ASB11: variants seen among roughly 807,000 people sequenced by gnomAD.
ASB11 encodes the protein ankyrin repeat and SOCS box containing 11, also known as ankyrin repeat and SOCS box protein 11.
In ASB11, 17 loss-of-function variants were observed where a neutral mutation model predicts 20.1. That is an observed-to-expected ratio of 0.85 (90% confidence interval 0.58 to 1.27). ASB11 has a LOEUF of 1.27. Ranked by LOEUF, ASB11 falls within the 50% of genes most tolerant of loss-of-function variation. The pLI is 0.00. For missense variants in ASB11, 259 were observed against 256.9 expected, an observed-to-expected ratio of 1.01 and a Z score of -0.06; for synonymous variants, 107 against 105.6, an observed-to-expected ratio of 1.01 and a Z score of -0.08.
intron 1 of ASB11, among the ~76,000 whole-genome samples, chrX:15,308,203 C>A (rs1238655517): frequency 8.9e-6 from 1 of 112,301 alleles, no homozygotes; most frequent in African/African-American, 3.2e-5. Flanking sequence ...CTGTGGCATG[C>A]CCTTCACACT....
intron 1 of ASB11, among the ~76,000 whole-genome samples, chrX:15,307,752 G>A (rs1275187273): frequency 3.6e-5 from 4 of 111,996 alleles, no homozygotes; most frequent in African/African-American, 1.3e-4. Context: ...AGGGCATGGT[G>A]GGGGCCATGC....
rs1489101009 is a variant in ASB11 at position 15,282,420 on chromosome X, T to C, written c.*1085A>G. On this transcript the variant is annotated 3_prime_UTR_variant, in exon 7 of 7. Coordinates refer to ENST00000480796, the MANE Select transcript of ASB11 (RefSeq NM_080873.3). ...AGACAGAAAAGGAGAAGCCTCTTTT[T>C]ATATACCTTTGTGCTTATTTTGGGC... 9.0e-6 allele frequency: 1 copy of C among 111,493 alleles called. No homozygotes were observed. The highest frequency in any genetic ancestry group is 3.3e-5 in the African/African-American group (1 of 30,688). 9.2% of individuals were successfully genotyped at this position (111,493 alleles called of 1,213,427 possible). A position where few individuals can be genotyped will look rare whatever the true frequency, so the allele number is the denominator to read the frequency against.
chrX:15,306,386 T>C (rs748791818), intron 1 of ASB11, among the ~76,000 whole-genome samples: 2 of 112,009 alleles, frequency 1.8e-5, no homozygotes, highest in East Asian at 5.6e-4. Flanking sequence ...CTTTAGTTGG[T>C]TGAAAGCTGA....
chrX:15,289,363 T>C, intron 5 of ASB11, 141 bp downstream of exon 5: 1 of 617,941 alleles, frequency 1.6e-6, no homozygotes, highest in Non-Finnish European at 2.5e-6. Context: ...CACTCATTTC[T>C]CTAGAGAAGT....
chrX:15,300,778 G>A (rs1230842123), intron 2 of ASB11, among the ~76,000 whole-genome samples: 5 of 111,371 alleles, frequency 4.5e-5, no homozygotes, highest in African/African-American at 1.3e-4. Flanking sequence ...AGGGTACAGT[G>A]TATATGGGAA....
intron 4 of ASB11, among the ~76,000 whole-genome samples, chrX:15,292,821 G>C (rs1271752938): frequency 8.9e-6 from 1 of 111,898 alleles, no homozygotes. Context: ...AGAGACATAA[G>C]CATAGTACAA....
chrX:15,299,594 T>C (rs1211560263), intron 2 of ASB11, among the ~76,000 whole-genome samples: 1 of 111,238 alleles, frequency 9.0e-6, no homozygotes, highest in Non-Finnish European at 1.9e-5. Flanking sequence ...CATCTTTTCC[T>C]GAGTTCCAAA....
At chrX:15,314,485 A>G in intron 1 of ASB11, 1 of 1,200,340 alleles carries the variant, frequency 8.3e-7, no homozygotes, top group Non-Finnish European at 1.1e-6. Flanking sequence ...TAATTGAAGC[A>G]TTCTGATGCT....
In ASB11 at chrX:15,289,600, C is replaced by A. The variant is rs767623990; in HGVS notation, c.559G>T (p.Val187Phe). 1 of 1,208,756 alleles carries A rather than the reference C, an allele frequency of 8.3e-7. No homozygotes were observed. Among genetic ancestry groups the A allele is most frequent in the African/African-American group, 1.8e-5 (1 of 57,088 alleles). ...TGAGGCACCTCATGGTCAATGTTAA[C>A]ATTATTTGCCAGCAGGATCTCCATG... ...ECMEILLANN[V>F]NIDHEVPQLG... Residue 187 changes from valine to phenylalanine, a missense_variant, in exon 5 of 7, where the codon GTT becomes TTT. Physicochemically the swap from Val to Phe is conservative, Grantham distance 50. Coordinates refer to ENST00000480796, the MANE Select transcript of ASB11 (RefSeq NM_080873.3).
chrX:15,285,138 T>C (rs1927342238), intron 6 of ASB11, among the ~76,000 whole-genome samples: 2 of 98,305 alleles, frequency 2.0e-5, no homozygotes, highest in Admixed American at 2.2e-4. Flanking sequence ...TATTTAATCT[T>C]TCTTTTTTTT....
At chrX:15,314,279 G>C in intron 1 of ASB11, 1 of 1,038,187 alleles carries the variant, frequency 9.6e-7, no homozygotes. Context: ...AATTAAATTA[G>C]AAGATAACTT....
chrX:15,288,276 A>G (rs1465987246), intron 5 of ASB11, among the ~76,000 whole-genome samples: 1 of 112,457 alleles, frequency 8.9e-6, no homozygotes, highest in African/African-American at 3.2e-5. Flanking sequence ...GAATTTAGAT[A>G]GTTTTAGTCA....
At chrX:15,286,148 A>G (rs918673714) in intron 6 of ASB11, among the ~76,000 whole-genome samples, 1 of 111,612 alleles carries the variant, frequency 9.0e-6, no homozygotes, top group African/African-American at 3.3e-5. Flanking sequence ...CTCCTGAATG[A>G]GAATCTGTAT....
chrX:15,285,877 C>T (rs759602459), intron 6 of ASB11, among the ~76,000 whole-genome samples: 2 of 110,457 alleles, frequency 1.8e-5, no homozygotes, highest in African/African-American at 3.3e-5. Flanking sequence ...TGGTGGCACG[C>T]GCCTGTAATC....
rs1453211869 is a variant in ASB11, at chrX:15,282,486, A to C, written c.*1019T>G. On this transcript the variant is annotated 3_prime_UTR_variant, in exon 7 of 7. Coordinates refer to ENST00000480796, the MANE Select transcript of ASB11 (RefSeq NM_080873.3). ...AAAATATTGACCCAGCATTGAGCCC[A>C]CTTTGGTGGCTGGCATCAGTATGTA... 9.0e-6 allele frequency: 1 copy of C among 111,338 alleles called. No homozygotes were observed. The highest frequency in any genetic ancestry group is 1.9e-5 in the Non-Finnish European group (1 of 53,105). The allele number at this position is 111,338 out of a possible 1,213,427, so 9.2% of individuals were successfully genotyped here.
chrX:15,289,685 T>C (rs1927482197), intron 4 of ASB11, 47 bp from the exon 5 acceptor site: 1 of 1,168,839 alleles, frequency 8.6e-7, no homozygotes, highest in African/African-American at 1.8e-5. Flanking sequence ...ACATATTAAA[T>C]ATTAACAGAA....
intron 1 of ASB11, among the ~76,000 whole-genome samples, chrX:15,303,801 A>G (rs1331715992): frequency 1.8e-5 from 2 of 112,223 alleles, no homozygotes; most frequent in Non-Finnish European, 3.8e-5. Context: ...ATCAAATACA[A>G]CCGCGATGTT....
intron 4 of ASB11, among the ~76,000 whole-genome samples, chrX:15,290,428 C>A (rs1156866344): frequency 8.9e-6 from 1 of 112,215 alleles, no homozygotes; most frequent in East Asian, 2.8e-4. Flanking sequence ...TGCAACAGTA[C>A]TTTGGTTAGT....
Position 15,283,127 on chromosome X carries a change from C to T in ASB11, c.*378G>A. Reference sequence around the variant, plus strand: ...AAATCAAGAACATATCTTGGAATACCTAACATTTGTTATAATCTTATCCAC... The same window carrying T: ...AAATCAAGAACATATCTTGGAATACTTAACATTTGTTATAATCTTATCCAC... On this transcript the variant is annotated 3_prime_UTR_variant, in exon 7 of 7. Coordinates refer to ENST00000480796, the MANE Select transcript of ASB11 (RefSeq NM_080873.3). 1 of 115,147 alleles carries T rather than the reference C, an allele frequency of 8.7e-6. No individual in the cohort carries two copies. Among genetic ancestry groups the T allele is most frequent in the Middle Eastern group, 4.5e-3 (1 of 223 alleles). 9.5% of individuals were successfully genotyped at this position (115,147 alleles called of 1,213,427 possible).
Sources: gnomAD v4.1 joint callset for allele counts (sites outside exome capture counted in the v4.1 genomes callset) on GRCh38, gnomAD v4.1.1 for gene constraint, MANE v1.5 for transcripts, NCBI Gene and HGNC (gene_info 2026-07-23, HGNC 2026-07-21) for gene names.